The following GRID2 variants were observed in gnomAD, a reference collection of about 807,000 sequenced individuals.
GRID2 encodes the protein glutamate ionotropic receptor delta type subunit 2.
Under a neutral mutation model 114.8 loss-of-function variants are expected in GRID2, and 33 were observed. That is an observed-to-expected ratio of 0.29 (90% CI 0.22 to 0.38). The LOEUF (loss-of-function observed/expected upper bound fraction) is 0.38, where lower values mean the gene tolerates loss of function less well. Ranked by LOEUF, GRID2 falls within the 10% of genes least tolerant of loss-of-function variation. GRID2 has a pLI of 1.00. For synonymous variants in GRID2, 505 were observed against 449.9 expected (o/e 1.12, Z -1.55); for missense variants, 1,184 against 1,257.7 (o/e 0.94, Z 0.89).
At chr4:92,309,681 T>G (rs1179088708) in intron 1 of GRID2, among the ~76,000 whole-genome samples, 2 of 151,984 alleles carry the variant, frequency 1.3e-5, no homozygotes, top group Non-Finnish European at 2.9e-5. Flanking sequence ...CTTGTAAGAA[T>G]TTAATGCTAG....
chr4:93,018,779 C>A (rs1015000140), intron 2 of GRID2, among the ~76,000 whole-genome samples: 2 of 152,042 alleles, frequency 1.3e-5, no homozygotes, highest in East Asian at 3.9e-4. Flanking sequence ...TTGCTTTCAT[C>A]TATTGTATCC....
At chr4:93,059,269 C>T (rs1727554928) in intron 2 of GRID2, among the ~76,000 whole-genome samples, 4 of 152,098 alleles carry the variant, frequency 2.6e-5, no homozygotes, top group Admixed American at 2.6e-4. Context: ...ATTTCTCCAA[C>T]TTTTATTGAA....
At chr4:92,375,227 A>G (rs977837692) in intron 1 of GRID2, among the ~76,000 whole-genome samples, 5 of 152,176 alleles carry the variant, frequency 3.3e-5, no homozygotes, top group African/African-American at 1.2e-4. Flanking sequence ...TTAGTTTTCT[A>G]TGTTCTGCTC....
intron 8 of GRID2, among the ~76,000 whole-genome samples, chr4:93,288,978 G>C (rs1318660191): frequency 6.6e-6 from 1 of 152,118 alleles, no homozygotes; most frequent in Non-Finnish European, 1.5e-5. Flanking sequence ...TTCAAGACAG[G>C]TATAGTATTT....
chr4:93,467,028 T>C (rs1057437325), intron 11 of GRID2, among the ~76,000 whole-genome samples: 1 of 152,212 alleles, frequency 6.6e-6, no homozygotes, highest in Non-Finnish European at 1.5e-5. Context: ...TCTTGCTAAG[T>C]ATCTATTCCC....
intron 13 of GRID2, among the ~76,000 whole-genome samples, chr4:93,592,712 C>G (rs530938821): frequency 7.2e-5 from 11 of 152,168 alleles, no homozygotes; most frequent in East Asian, 5.8e-4. Flanking sequence ...GTAGGTCACT[C>G]AGGACTTGCT....
intron 13 of GRID2, among the ~76,000 whole-genome samples, chr4:93,608,467 C>T (rs1447764326): frequency 6.9e-6 from 1 of 145,148 alleles, no homozygotes; most frequent in Non-Finnish European, 1.5e-5. Flanking sequence ...CTCCCTCCCC[C>T]AACCCCACCA....
At chr4:93,803,524 C>T (rs1734974521) in intron 1 of GRID2, among the ~76,000 whole-genome samples, 1 of 152,000 alleles carries the variant, frequency 6.6e-6, no homozygotes, top group African/African-American at 2.4e-5. Flanking sequence ...GAGTTCGAGA[C>T]CAACCTGGCC....
At chr4:93,063,804 A>G (rs1703652803) in intron 2 of GRID2, among the ~76,000 whole-genome samples, 1 of 151,764 alleles carries the variant, frequency 6.6e-6, no homozygotes. Flanking sequence ...TGAATTGTAC[A>G]AGTATTATTT....
intron 8 of GRID2, among the ~76,000 whole-genome samples, chr4:93,327,079 C>G (rs1757913603): frequency 6.6e-6 from 1 of 152,088 alleles, no homozygotes. Flanking sequence ...TTCCTAGGAA[C>G]CAGTCTTCAG....
chr4:92,392,896 C>T (rs1021261659), intron 1 of GRID2, among the ~76,000 whole-genome samples: 2 of 151,966 alleles, frequency 1.3e-5, no homozygotes, highest in African/African-American at 2.4e-5. Context: ...ACACATTCAT[C>T]GATATTATTA....
rs545959174 is a variant in GRID2 at position 93,420,855 on chromosome 4, G to A, written c.1348-1916G>A. Among the ~76,000 whole-genome samples, 512 of 151,968 alleles carry A rather than the reference G, an allele frequency of 3.4e-3. 2 individuals are homozygous for A. Among genetic ancestry groups the A allele is most frequent in the Non-Finnish European group, 5.4e-3 (364 of 67,956 alleles). ...TGCAAGCTCTGCCTCCCAGGTTCAC[G>A]CCATTCTCCGGCTGCAGCCTCCCAA... On this transcript the variant is annotated intron_variant, in intron 9 of 15. Transcript: ENST00000282020.
At chr4:93,526,547 C>T (rs749679413) in intron 13 of GRID2, among the ~76,000 whole-genome samples, 4 of 152,290 alleles carry the variant, frequency 2.6e-5, no homozygotes, top group Admixed American at 6.5e-5. Context: ...CTGTGGCTCA[C>T]GCCTGTAATC....
In GRID2 at chr4:93,769,213, C is replaced by T. The variant is rs1733922567; in HGVS notation, c.2364C>T (p.Ile788=). The change falls in exon 15 of 16, where the codon ATC becomes ATT. Residue 788 remains isoleucine (I), a synonymous_variant. Transcript: ENST00000282020. ...TGCTTATGTTCTTTATCCCAAGGAT[C>T]CTGGAGCTTCAGCAGAATGGTGACA... The part of the protein sequence containing the change: ...SPYRDVFSQR[I]LELQQNGDMD... 6.2e-7 allele frequency: 1 copy of T among 1,613,852 alleles called. No individual in the cohort carries two copies. Among genetic ancestry groups the T allele is most frequent in the Non-Finnish European group, 8.5e-7 (1 of 1,179,798 alleles).
At chr4:93,234,347 C>G (rs1437527236) in intron 7 of GRID2, among the ~76,000 whole-genome samples, 1 of 152,034 alleles carries the variant, frequency 6.6e-6, no homozygotes, top group South Asian at 2.1e-4. Context: ...ATTGAACACA[C>G]AGTTTACATA....
chr4:93,415,231 T>A (rs1767589356), intron 9 of GRID2, among the ~76,000 whole-genome samples: 1 of 152,126 alleles, frequency 6.6e-6, no homozygotes, highest in Non-Finnish European at 1.5e-5. Flanking sequence ...ATATGTTATA[T>A]CTCGAATGTA....
intron 13 of GRID2, among the ~76,000 whole-genome samples, chr4:93,567,365 A>G (rs1735528770): frequency 1.3e-5 from 2 of 152,214 alleles, no homozygotes; most frequent in African/African-American, 2.4e-5. Flanking sequence ...TATATTACCA[A>G]TGCATTAGTA....
At chr4:92,982,539 A>G (rs563039355) in intron 2 of GRID2, among the ~76,000 whole-genome samples, 1 of 152,134 alleles carries the variant, frequency 6.6e-6, no homozygotes, top group African/African-American at 2.4e-5. Context: ...TTTGGTCCCA[A>G]ATTCTGATTC....
chr4:93,699,426 G>T (rs1189949257), intron 14 of GRID2, among the ~76,000 whole-genome samples: 1 of 151,982 alleles, frequency 6.6e-6, no homozygotes, highest in Admixed American at 6.6e-5. Flanking sequence ...ACACTGAAAG[G>T]GTAGAAAGGA....
Sources: gnomAD v4.1 joint callset for allele counts (sites outside exome capture counted in the v4.1 genomes callset) on GRCh38, gnomAD v4.1.1 for gene constraint, MANE v1.5 for transcripts, NCBI Gene and HGNC (gene_info 2026-07-23, HGNC 2026-07-21) for gene names.